RGS6: variants seen among roughly 807,000 people sequenced by gnomAD.
RGS6 encodes regulator of G protein signaling 6.
A neutral mutation model predicts 78.5 loss-of-function variants in RGS6; 30 were observed. That is an observed-to-expected ratio of 0.38 (90% CI 0.29 to 0.52). The LOEUF is 0.52. Ranked by LOEUF, RGS6 falls within the 20% of genes least tolerant of loss-of-function variation. The pLI is 0.85. For missense variants in RGS6, 495 were observed against 609.7 expected (o/e 0.81, Z 1.98); for synonymous variants, 206 against 206.0 (o/e 1.00, Z 0.00).
chr14:72,124,345 C>T (rs2096133815), intron 2 of RGS6, among the ~76,000 whole-genome samples: 1 of 152,110 alleles, frequency 6.6e-6, no homozygotes, highest in Non-Finnish European at 1.5e-5. Context: ...CCACTACAGG[C>T]AAAGATAGGC....
At chr14:72,178,693 C>T (rs953839858) in intron 2 of RGS6, among the ~76,000 whole-genome samples, 1 of 152,192 alleles carries the variant, frequency 6.6e-6, no homozygotes, top group Non-Finnish European at 1.5e-5. Context: ...CTGGGAGGTA[C>T]TGACGCATTA....
chr14:72,096,409 C>T (rs1273072792), intron 2 of RGS6, among the ~76,000 whole-genome samples: 1 of 152,078 alleles, frequency 6.6e-6, no homozygotes, highest in African/African-American at 2.4e-5. Flanking sequence ...AACAGGAGCC[C>T]AAAGATAATT....
In RGS6 at chr14:72,049,458, G is replaced by A. The variant is rs1596598166; in HGVS notation, c.84+84583G>A. Among the ~76,000 whole-genome samples the A allele has an allele frequency of 3.3e-5, 5 of 152,154 alleles. No homozygotes were observed. The South Asian group carries it at 8.3e-4, about 25-fold the overall frequency. On this transcript the variant is annotated intron_variant, in intron 2 of 17. Transcript: ENST00000553525. ...CTTAGCAAAATGGTGCAAGTCTCTC[G>A]TGATATCTACCTTTATGCTTACTGC...
Position 72,565,020 on chromosome 14 carries a change from A to G in RGS6, c.*2553A>G, listed in dbSNP as rs944068807. ...TCCATCTACCACGCAGAACTTGGTC[A>G]TGCAAGTACATTTGGAAAATCTGGT... On this transcript the variant is annotated 3_prime_UTR_variant, in exon 18 of 18. Coordinates refer to ENST00000553525, the MANE Select transcript of RGS6 (RefSeq NM_001204424.2). The G allele has an allele frequency of 4.6e-5, 7 of 152,274 alleles. No homozygotes were observed. The highest frequency in any genetic ancestry group is 1.0e-4 in the Non-Finnish European group (7 of 68,060). 9.4% of individuals were successfully genotyped at this position (152,274 alleles called of 1,614,324 possible).
chr14:72,203,248 A>G (rs1177266153), intron 2 of RGS6, among the ~76,000 whole-genome samples: 1 of 152,224 alleles, frequency 6.6e-6, no homozygotes, highest in African/African-American at 2.4e-5. Flanking sequence ...AGCATCTATC[A>G]TGTATATAGG....
intron 2 of RGS6, among the ~76,000 whole-genome samples, chr14:72,201,253 T>A (rs2041509858): frequency 1.3e-5 from 2 of 152,228 alleles, no homozygotes; most frequent in African/African-American, 4.8e-5. Context: ...AATTGCTTAT[T>A]ATGGCAACTG....
rs554605672 is a variant in RGS6, at chr14:72,178,764, TTAG to T, written c.85-173326_85-173324del. ...TCGTGGACTATGACAAAACAGAGTG[TTAG>T]TAGTGAACATCTCAGGTAATACCAC... On this transcript the variant is annotated intron_variant, in intron 2 of 17. Coordinates refer to ENST00000553525, the MANE Select transcript of RGS6 (RefSeq NM_001204424.2). 4.5e-3 allele frequency among the ~76,000 whole-genome samples: 689 copies of T among 152,264 alleles called. 4 individuals are homozygous for T. The highest frequency in any genetic ancestry group is 0.016 in the African/African-American group (669 of 41,536).
intron 1 of RGS6, among the ~76,000 whole-genome samples, chr14:71,938,821 C>T (rs985782358): frequency 6.6e-6 from 1 of 152,208 alleles, no homozygotes. Context: ...TCAGTTTCCA[C>T]CAAAGCCCAG....
intron 3 of RGS6, among the ~76,000 whole-genome samples, chr14:72,378,546 G>A (rs111983411): frequency 0.021 from 3,149 of 152,032 alleles, 52 homozygotes; most frequent in African/African-American, 0.046. Flanking sequence ...ACAAAGGATC[G>A]TTAGAGACTA....
At chr14:72,534,911 A>G (rs935105655) in intron 15 of RGS6, among the ~76,000 whole-genome samples, 7 of 152,184 alleles carry the variant, frequency 4.6e-5, no homozygotes, top group South Asian at 2.1e-4. Context: ...GAGAAGAACA[A>G]TGAGCATACA....
rs750250122 is a variant in RGS6, at chr14:72,454,568, T to G, written c.225T>G (p.Ile75Met). The change falls in exon 4 of 18, where the codon ATT becomes ATG. Residue 75 changes from isoleucine to methionine, a missense_variant. Physicochemically the swap from Ile to Met is conservative, Grantham distance 10. Transcript: ENST00000553525. ...IVQWLMKNLS[I>M]EDPVEAIHLG... ...AGTGGCTTATGAAGAACCTTTCCAT[T>G]GAGGACCCAGGTACTTGACCTTTGA... The G allele has an allele frequency of 6.2e-7, 1 of 1,614,032 alleles. No individual in the cohort carries two copies. The highest frequency in any genetic ancestry group is 1.3e-5 in the African/African-American group (1 of 75,036).
chr14:71,971,926 T>G, intron 2 of RGS6, among the ~76,000 whole-genome samples: 1 of 150,024 alleles, frequency 6.7e-6, no homozygotes, highest in South Asian at 2.1e-4. Context: ...TTTTTTTTTT[T>G]TTTTTTTTAT....
intron 3 of RGS6, among the ~76,000 whole-genome samples, chr14:72,416,144 C>CAA (rs5809572): frequency 6.6e-4 from 64 of 97,138 alleles, no homozygotes; most frequent in African/African-American, 2.1e-3. Flanking sequence ...GACTCTGTCT[C>CAA]AAAAAAAAAA....
At chr14:72,017,778 T>C (rs900855495) in intron 2 of RGS6, among the ~76,000 whole-genome samples, 3 of 152,098 alleles carry the variant, frequency 2.0e-5, no homozygotes, top group East Asian at 1.9e-4. Flanking sequence ...CTTTTTTTTT[T>C]CTTCAACTTT....
intron 2 of RGS6, among the ~76,000 whole-genome samples, chr14:72,298,002 ATTAATTATAG>A (rs1415246513): frequency 6.6e-6 from 1 of 151,938 alleles, no homozygotes; most frequent in African/African-American, 2.4e-5. Flanking sequence ...TATATCTTTG[ATTAATTATAG>A]CCTTGTAAAA....
At chr14:72,009,037 A>G (rs1339636691) in intron 2 of RGS6, among the ~76,000 whole-genome samples, 1 of 152,182 alleles carries the variant, frequency 6.6e-6, no homozygotes, top group African/African-American at 2.4e-5. Flanking sequence ...TGCTAGGCAG[A>G]GGGTGTGTAA....
rs113790680 is a variant in RGS6, at chr14:72,087,627, CTTTT to C, written c.84+122762_84+122765del. Among the ~76,000 whole-genome samples the C allele has an allele frequency of 2.8e-5, 4 of 144,918 alleles. No homozygotes were observed. The South Asian group carries it at 8.8e-4, about 32-fold the overall frequency. The stretch of plus-strand genomic sequence containing the variant: ...GAAACTTGCAAACTTCAACAATATA[CTTTT>C]TTTTTTTTTAAGGAAGAAAACAGAC... On this transcript the variant is annotated intron_variant, in intron 2 of 17. Transcript: ENST00000553525.
chr14:72,033,400 T>C, intron 2 of RGS6, among the ~76,000 whole-genome samples: 1 of 150,978 alleles, frequency 6.6e-6, no homozygotes, highest in African/African-American at 2.4e-5. Context: ...TGTCTGGCTA[T>C]TTTTTTTTAT....
At position 72,336,699 on chromosome 14, in the gene RGS6, A is replaced by G. The variant is rs149240481; in HGVS notation, c.85-15396A>G. The stretch of plus-strand genomic sequence containing the variant: ...AGTACATTAGCTTGCTAGGGCTGCC[A>G]TAGTTAAGTATCACAAAGTGGGTGG... On this transcript the variant is annotated intron_variant, in intron 2 of 17. Transcript: ENST00000553525. Among the ~76,000 whole-genome samples the G allele has an allele frequency of 2.8e-3, 432 of 152,310 alleles. 2 individuals are homozygous for G. Among genetic ancestry groups the G allele is most frequent in the African/African-American group, 1.0e-2 (414 of 41,566 alleles).
Sources: gnomAD v4.1 joint callset for allele counts (sites outside exome capture counted in the v4.1 genomes callset) on GRCh38, gnomAD v4.1.1 for gene constraint, MANE v1.5 for transcripts, NCBI Gene and HGNC (gene_info 2026-07-23, HGNC 2026-07-21) for gene names.